TAX1BP1: variants seen among roughly 807,000 people sequenced by gnomAD.
TAX1BP1 encodes the protein Tax1 binding protein 1.
Under a neutral mutation model 97.7 loss-of-function variants are expected in TAX1BP1, and 62 were observed. That is an observed-to-expected ratio of 0.63 (90% CI 0.52 to 0.78). TAX1BP1 has a LOEUF of 0.78. TAX1BP1 is among the 30% of genes least tolerant of loss of function. TAX1BP1 has a pLI of 0.00. For synonymous variants in TAX1BP1, 340 were observed against 304.2 expected (o/e 1.12, Z -1.23); for missense variants, 867 against 916.1 (o/e 0.95, Z 0.69).
chr7:27,778,998 C>T (rs1376273358), intron 5 of TAX1BP1, among the ~76,000 whole-genome samples: 3 of 152,108 alleles, frequency 2.0e-5, no homozygotes, highest in African/African-American at 7.2e-5. Flanking sequence ...TCACTCCTTA[C>T]ATACCCCTGT....
intron 9 of TAX1BP1, among the ~76,000 whole-genome samples, chr7:27,792,513 G>A (rs984277804): frequency 2.0e-5 from 3 of 152,146 alleles, no homozygotes; most frequent in Non-Finnish European, 4.4e-5. Context: ...TTTCTTACTA[G>A]CTGTATAAAA....
chr7:27,809,201 C>G (rs1159095131), intron 13 of TAX1BP1, among the ~76,000 whole-genome samples: 1 of 152,116 alleles, frequency 6.6e-6, no homozygotes, highest in Non-Finnish European at 1.5e-5. Context: ...TAATTCGAAA[C>G]AAATGTAAGA....
chr7:27,819,880 T>C (rs1355439659), intron 15 of TAX1BP1, among the ~76,000 whole-genome samples: 2 of 152,214 alleles, frequency 1.3e-5, no homozygotes, highest in Non-Finnish European at 2.9e-5. Context: ...CCTCGGAATT[T>C]ACTGTGGTGC....
intron 3 of TAX1BP1, chr7:27,758,368 G>T: frequency 8.2e-6 from 2 of 245,254 alleles, no homozygotes. Flanking sequence ...TGAAGAGTGG[G>T]TTTCTTTTTA....
intron 13 of TAX1BP1, among the ~76,000 whole-genome samples, chr7:27,812,028 C>T (rs1472780056): frequency 2.6e-5 from 4 of 152,070 alleles, no homozygotes; most frequent in Non-Finnish European, 4.4e-5. Context: ...AGTGGAATTG[C>T]GGGCTTATAT....
intron 5 of TAX1BP1, among the ~76,000 whole-genome samples, chr7:27,784,601 T>C (rs549626624): frequency 2.6e-5 from 4 of 152,266 alleles, no homozygotes; most frequent in Admixed American, 2.6e-4. Flanking sequence ...GACTAATTTT[T>C]AAAATTTTTT....
At chr7:27,801,310 G>C (rs1490059626) in intron 13 of TAX1BP1, among the ~76,000 whole-genome samples, 1 of 149,628 alleles carries the variant, frequency 6.7e-6, no homozygotes, top group African/African-American at 2.5e-5. Flanking sequence ...TTGTATCTAT[G>C]ATCTAATTTT....
intron 5 of TAX1BP1, among the ~76,000 whole-genome samples, chr7:27,772,760 G>A (rs949010336): frequency 4.6e-5 from 7 of 151,972 alleles, no homozygotes; most frequent in Non-Finnish European, 7.4e-5. Context: ...TGTTTTTAAT[G>A]TTATTTTATG....
intron 3 of TAX1BP1, among the ~76,000 whole-genome samples, chr7:27,762,000 T>G (rs981012400): frequency 6.6e-6 from 1 of 152,216 alleles, no homozygotes; most frequent in Non-Finnish European, 1.5e-5. Flanking sequence ...GATGGTGTCA[T>G]TGCTTTGGAT....
intron 13 of TAX1BP1, among the ~76,000 whole-genome samples, chr7:27,810,637 C>T (rs1005681203): frequency 1.3e-5 from 2 of 152,042 alleles, no homozygotes; most frequent in Non-Finnish European, 1.5e-5. Flanking sequence ...CACATCTGAC[C>T]TTCAACTTGT....
At chr7:27,768,965 A>G (rs1788742159) in intron 4 of TAX1BP1, among the ~76,000 whole-genome samples, 1 of 152,034 alleles carries the variant, frequency 6.6e-6, no homozygotes, top group African/African-American at 2.4e-5. Context: ...TGTAAGAGAA[A>G]TATTAACTTT....
At chr7:27,814,116 T>C (rs569081740) in intron 13 of TAX1BP1, among the ~76,000 whole-genome samples, 4 of 149,796 alleles carry the variant, frequency 2.7e-5, no homozygotes, top group African/African-American at 1.0e-4. Context: ...TTTTCTTTTT[T>C]TTGAATCGTG....
intron 15 of TAX1BP1, among the ~76,000 whole-genome samples, chr7:27,819,671 T>C (rs987238794): frequency 3.3e-5 from 5 of 152,202 alleles, no homozygotes; most frequent in African/African-American, 1.2e-4. Flanking sequence ...AAGGATATTT[T>C]CAGCTTACAG....
chr7:27,748,578 C>A lies in TAX1BP1; in HGVS notation c.54C>A (p.Ile18=). 1 of 1,605,532 alleles carries A rather than the reference C, an allele frequency of 6.2e-7. No homozygotes were observed. The highest frequency in any genetic ancestry group is 1.7e-5 in the Admixed American group (1 of 59,518). Reference sequence around the variant, plus strand: ...AGACTTCCAACTTTGCCCATGTCATCTTTCAAAATGTGGCCAAGAGTTACC... The same window carrying A: ...AGACTTCCAACTTTGCCCATGTCATATTTCAAAATGTGGCCAAGAGTTACC... ...PLQTSNFAHV[I]FQNVAKSYLP... is the part of the protein sequence containing the mutation. Residue 18 remains isoleucine, a synonymous_variant, in exon 2 of 17, where the codon ATC becomes ATA. Coordinates refer to ENST00000396319, the MANE Select transcript of TAX1BP1 (RefSeq NM_006024.7).
At position 27,796,179 on chromosome 7, in the gene TAX1BP1, A is replaced by T. The variant is rs1488334894; in HGVS notation, c.1598A>T (p.Asp533Val). ...QVCEMTKEIA[D>V]KTEKYNKCKQ... The stretch of plus-strand genomic sequence containing the variant: ...TGTGAAATGACCAAAGAAATTGCTG[A>T]CAAAACAGAAAAGTATAATAAATGT... The change falls in exon 12 of 17, where the codon GAC (aspartate) becomes GTC (valine). Residue 533 changes from aspartate to valine, a missense_variant. Around this residue, in one of 3 missense-constraint regions of TAX1BP1, gnomAD observed 822 missense variants for 851.4 expected, o/e 0.97. Coordinates refer to ENST00000396319, the MANE Select transcript of TAX1BP1 (RefSeq NM_006024.7). The T allele has an allele frequency of 1.3e-6, 2 of 1,595,028 alleles. No individual in the cohort carries two copies.
At chr7:27,766,410 ACTC>A (rs1788638921) in intron 4 of TAX1BP1, among the ~76,000 whole-genome samples, 3 of 105,722 alleles carry the variant, frequency 2.8e-5, no homozygotes, top group Non-Finnish European at 5.4e-5. Flanking sequence ...ACAGAGCGAG[ACTC>A]CGTATCAAAA....
chr7:27,774,356 A>G (rs1374890235), intron 5 of TAX1BP1, among the ~76,000 whole-genome samples: 1 of 152,112 alleles, frequency 6.6e-6, no homozygotes, highest in Non-Finnish European at 1.5e-5. Flanking sequence ...TTCTGAGTTC[A>G]GGCTTCCTCA....
At chr7:27,796,320 A>G (rs1789931173) in intron 12 of TAX1BP1, 101 bp downstream of exon 12, 1 of 996,340 alleles carries the variant, frequency 1.0e-6, no homozygotes, top group Non-Finnish European at 1.5e-6. Context: ...TTTCTTTTCC[A>G]TCTCCATATA....
At chr7:27,781,220 G>C (rs1789243174) in intron 5 of TAX1BP1, among the ~76,000 whole-genome samples, 1 of 152,160 alleles carries the variant, frequency 6.6e-6, no homozygotes, top group Admixed American at 6.5e-5. Flanking sequence ...ATTTTTCAGT[G>C]AATTGAAGGT....
Sources: allele counts gnomAD v4.1 joint callset (sites outside exome capture counted in the v4.1 genomes callset), GRCh38; gene constraint gnomAD v4.1.1; regional missense constraint gnomAD v4.1.1; transcripts MANE v1.5; gene names NCBI Gene and HGNC (gene_info 2026-07-23, HGNC 2026-07-21).